Variants in SUMF1 observed in about 807,000 individuals in gnomAD.
The protein encoded by SUMF1 is sulfatase modifying factor 1.
SUMF1 carries 48 observed loss-of-function variants against 47.6 expected under a neutral mutation model. That is an observed-to-expected ratio of 1.01 (90% CI 0.80 to 1.28). The LOEUF (loss-of-function observed/expected upper bound fraction) is 1.28, where lower values mean the gene tolerates loss of function less well. Ranked by LOEUF, SUMF1 falls within the 50% of genes most tolerant of loss-of-function variation. The probability of loss-of-function intolerance (pLI) is 0.00; values close to 1 mark genes in which losing one functional copy is unlikely to be tolerated. For missense variants in SUMF1, 571 were observed against 485.4 expected, an observed-to-expected ratio of 1.18 and a Z score of -1.66; for synonymous variants, 230 against 192.1, an observed-to-expected ratio of 1.20 and a Z score of -1.63.
intron 8 of SUMF1, among the ~76,000 whole-genome samples, chr3:4,160,054 G>A (rs1694540433): frequency 6.6e-6 from 1 of 152,058 alleles, no homozygotes; most frequent in Admixed American, 6.5e-5. Context: ...GTTCAAATCT[G>A]TTTGGTATTC....
chr3:4,268,363 GCATGTCA>G (rs1214662332), intron 8 of SUMF1, among the ~76,000 whole-genome samples: 1 of 152,068 alleles, frequency 6.6e-6, no homozygotes, highest in Admixed American at 6.6e-5. Context: ...CAGCGCACCA[GCATGTCA>G]CATGTATACA....
chr3:4,329,637 G>C (rs1316425367), intron 8 of SUMF1, among the ~76,000 whole-genome samples: 1 of 152,216 alleles, frequency 6.6e-6, no homozygotes, highest in Non-Finnish European at 1.5e-5. Context: ...GTTTCTGATG[G>C]GAGGGGCTGC....
At chr3:4,460,870 G>T (rs1372524600) in intron 1 of SUMF1, among the ~76,000 whole-genome samples, 2 of 151,634 alleles carry the variant, frequency 1.3e-5, no homozygotes, top group Non-Finnish European at 2.9e-5. Context: ...GCCCAGGCTA[G>T]TCTCCAACTT....
At chr3:4,394,458 A>G (rs1487856266) in intron 7 of SUMF1, among the ~76,000 whole-genome samples, 1 of 152,206 alleles carries the variant, frequency 6.6e-6, no homozygotes, top group East Asian at 1.9e-4. Context: ...GCACCCAGCC[A>G]CATACTGAAG....
intron 9 of SUMF1, among the ~76,000 whole-genome samples, chr3:4,046,023 C>T (rs929153236): frequency 1.5e-4 from 23 of 152,120 alleles, no homozygotes; most frequent in Non-Finnish European, 2.8e-4. Flanking sequence ...TACTGTCCAA[C>T]CTGGGGGACA....
chr3:4,325,876 T>C (rs997143419), intron 8 of SUMF1, among the ~76,000 whole-genome samples: 1 of 152,070 alleles, frequency 6.6e-6, no homozygotes, highest in African/African-American at 2.4e-5. Flanking sequence ...CTAACAGGTA[T>C]ACTATAGTGA....
At chr3:4,336,234 A>G (rs1186971273) in intron 8 of SUMF1, among the ~76,000 whole-genome samples, 2 of 152,146 alleles carry the variant, frequency 1.3e-5, no homozygotes, top group South Asian at 2.1e-4. Flanking sequence ...TAAAGGGGAA[A>G]GAGCAAGCAA....
chr3:4,448,385 A>G (rs1702856465), intron 3 of SUMF1, among the ~76,000 whole-genome samples: 2 of 152,240 alleles, frequency 1.3e-5, no homozygotes, highest in African/African-American at 4.8e-5. Context: ...TGCATTAAAA[A>G]GGAAGATGAG....
chr3:4,062,762 G>C (rs528072587), intron 9 of SUMF1, among the ~76,000 whole-genome samples: 5 of 152,262 alleles, frequency 3.3e-5, no homozygotes, highest in African/African-American at 1.2e-4. Flanking sequence ...AACAAGGGTT[G>C]CACAATGAGT....
chr3:4,218,398 C>A (rs1396718954), intron 8 of SUMF1, among the ~76,000 whole-genome samples: 2 of 152,112 alleles, frequency 1.3e-5, no homozygotes, highest in East Asian at 3.9e-4. Context: ...ATTGAAGACA[C>A]CACAGGCCTC....
At chr3:4,403,061 G>C (rs1479497188) in intron 7 of SUMF1, among the ~76,000 whole-genome samples, 3 of 152,170 alleles carry the variant, frequency 2.0e-5, no homozygotes, top group Non-Finnish European at 2.9e-5. Flanking sequence ...ACAGCAATTA[G>C]GATGGAAGCT....
rs373138692 is a variant in SUMF1, at chr3:4,209,165, T to A, written c.1015-140420A>T. 2.0e-5 allele frequency among the ~76,000 whole-genome samples: 3 copies of A among 152,204 alleles called. No individual in the cohort carries two copies. In the East Asian group the frequency reaches 5.8e-4, roughly 29 times the overall value. ...TTAATGATTCAATTCAATAAAATTTTATTGGGTACCTATTATATACGTGCT... is the reference window on the plus strand; with the variant it reads ...TTAATGATTCAATTCAATAAAATTTAATTGGGTACCTATTATATACGTGCT... On this transcript the variant is annotated intron_variant and NMD_transcript_variant, in intron 8 of 12. Coordinates refer to the SUMF1 transcript ENST00000448413.
chr3:4,063,950 G>GCTT (rs1408508775), intron 9 of SUMF1, among the ~76,000 whole-genome samples: 6 of 152,026 alleles, frequency 3.9e-5, no homozygotes, highest in Non-Finnish European at 7.4e-5. Flanking sequence ...TCTATAAAGG[G>GCTT]CTTGGCCAGT....
intron 8 of SUMF1, among the ~76,000 whole-genome samples, chr3:4,335,776 A>G (rs1277694807): frequency 2.0e-5 from 3 of 151,952 alleles, no homozygotes; most frequent in African/African-American, 7.3e-5. Flanking sequence ...CCTAGTCAAT[A>G]TGGTGAAACC....
At chr3:4,189,165 G>C (rs531423947) in intron 8 of SUMF1, among the ~76,000 whole-genome samples, 79 of 152,182 alleles carry the variant, frequency 5.2e-4, no homozygotes, top group Middle Eastern at 3.4e-3. Context: ...AATATAATAA[G>C]CTGGGGATTT....
intron 6 of SUMF1, among the ~76,000 whole-genome samples, chr3:4,413,763 T>C (rs1465238646): frequency 6.6e-6 from 1 of 152,018 alleles, no homozygotes; most frequent in East Asian, 1.9e-4. Context: ...TGGTGGTTCA[T>C]GCCAGTAATC....
chr3:4,277,990 T>C (rs1697453138), intron 8 of SUMF1, among the ~76,000 whole-genome samples: 1 of 152,240 alleles, frequency 6.6e-6, no homozygotes, highest in Non-Finnish European at 1.5e-5. Context: ...AAAAATTATG[T>C]AGAGAATGTT....
At chr3:4,160,548 A>G (rs1421323029) in intron 8 of SUMF1, among the ~76,000 whole-genome samples, 6 of 151,510 alleles carry the variant, frequency 4.0e-5, no homozygotes, top group Non-Finnish European at 7.4e-5. Context: ...ATTTTCAAAT[A>G]CTCTCTCTTC....
At chr3:4,358,384 C>T (rs1056871251), downstream of SUMF1, among the ~76,000 whole-genome samples, 30 of 151,948 alleles carry the variant, frequency 2.0e-4, no homozygotes, top group Admixed American at 4.6e-4. Flanking sequence ...AAAAACAAAA[C>T]AGTTTTTTAA....
Sources: gnomAD v4.1 joint callset for allele counts (sites outside exome capture counted in the v4.1 genomes callset) on GRCh38, gnomAD v4.1.1 for gene constraint, MANE v1.5 for transcripts, NCBI Gene and HGNC (gene_info 2026-07-23, HGNC 2026-07-21) for gene names.